ATG7: variants seen among roughly 807,000 people sequenced by gnomAD.
ATG7 encodes the protein ubiquitin-like modifier-activating enzyme ATG7.
ATG7 carries 70 observed loss-of-function variants against 82.4 expected under a neutral mutation model. The ratio of observed to expected loss-of-function variants is 0.85; its 90% CI spans 0.70 to 1.04. The LOEUF (loss-of-function observed/expected upper bound fraction) is 1.04. ATG7 is among the 50% of genes least tolerant of loss of function. The pLI is 0.00. For synonymous variants in ATG7, 287 were observed against 313.0 expected (o/e 0.92, Z 0.88); for missense variants, 792 against 864.3 (o/e 0.92, Z 1.05).
At chr3:11,417,810 A>ATTAT (rs1559578532) in intron 19 of ATG7, among the ~76,000 whole-genome samples, 1 of 97,986 alleles carries the variant, frequency 1.0e-5, no homozygotes, top group African/African-American at 4.4e-5. Flanking sequence ...ATTTTATTTT[A>ATTAT]TTTTATTTTT....
chr3:11,493,541 C>T (rs1337567733), intron 20 of ATG7, among the ~76,000 whole-genome samples: 16 of 152,194 alleles, frequency 1.1e-4, no homozygotes, highest in Non-Finnish European at 8.8e-5. Flanking sequence ...GGGGTTTCCA[C>T]TGGGGACCTG....
intron 20 of ATG7, among the ~76,000 whole-genome samples, chr3:11,439,983 G>T (rs1239429197): frequency 6.6e-6 from 1 of 152,176 alleles, no homozygotes; most frequent in Non-Finnish European, 1.5e-5. Context: ...ACATCTTGAG[G>T]TTTACAGTAC....
intron 20 of ATG7, among the ~76,000 whole-genome samples, chr3:11,531,025 G>A (rs963167634): frequency 6.6e-6 from 1 of 152,154 alleles, no homozygotes; most frequent in Non-Finnish European, 1.5e-5. Flanking sequence ...CTCACTCACC[G>A]TGGTCCTGGC....
At chr3:11,480,076 C>T (rs1221166078) in intron 20 of ATG7, among the ~76,000 whole-genome samples, 3 of 152,172 alleles carry the variant, frequency 2.0e-5, no homozygotes, top group African/African-American at 4.8e-5. Context: ...TACAGGTGCC[C>T]GCCACCATGC....
chr3:11,410,360 T>A (rs998966715), intron 19 of ATG7, among the ~76,000 whole-genome samples: 1 of 151,778 alleles, frequency 6.6e-6, no homozygotes, highest in Non-Finnish European at 1.5e-5. Flanking sequence ...TTGATAGTAT[T>A]TGAACATCAA....
chr3:11,432,267 A>G (rs149213672), intron 20 of ATG7, among the ~76,000 whole-genome samples: 1 of 152,324 alleles, frequency 6.6e-6, no homozygotes, highest in East Asian at 1.9e-4. Context: ...AGCTAGACAA[A>G]GGAGATTTAC....
chr3:11,480,225 C>T (rs2088776750), intron 20 of ATG7, among the ~76,000 whole-genome samples: 1 of 152,102 alleles, frequency 6.6e-6, no homozygotes, highest in Non-Finnish European at 1.5e-5. Context: ...GCCACCGCAC[C>T]CGGCCTGGAA....
At chr3:11,507,295 A>G (rs1290720135) in intron 20 of ATG7, among the ~76,000 whole-genome samples, 1 of 152,228 alleles carries the variant, frequency 6.6e-6, no homozygotes, top group Non-Finnish European at 1.5e-5. Flanking sequence ...ATAAATAAAT[A>G]AAAATTTTGT....
At chr3:11,426,032 A>G (rs180813719) in intron 19 of ATG7, among the ~76,000 whole-genome samples, 35 of 151,844 alleles carry the variant, frequency 2.3e-4, no homozygotes, top group Admixed American at 1.0e-3. Flanking sequence ...GGTCACCTCA[A>G]TGGTTTCTAG....
At chr3:11,446,509 C>T in intron 20 of ATG7, 1 of 447,986 alleles carries the variant, frequency 2.2e-6, no homozygotes, top group Non-Finnish European at 4.5e-6. Context: ...TTACTTTTAG[C>T]ACTAAGAAGA....
chr3:11,385,471 C>CA (rs1434900236), intron 19 of ATG7, among the ~76,000 whole-genome samples: 3 of 152,192 alleles, frequency 2.0e-5, no homozygotes, highest in African/African-American at 7.2e-5. Flanking sequence ...TCATTTAATT[C>CA]AACTGACATT....
intron 9 of ATG7, among the ~76,000 whole-genome samples, chr3:11,318,077 T>C (rs764223765): frequency 6.6e-5 from 10 of 152,268 alleles, no homozygotes; most frequent in Non-Finnish European, 1.3e-4. Flanking sequence ...ACTTCCTTTA[T>C]GTTTCAACAG....
intron 16 of ATG7, among the ~76,000 whole-genome samples, chr3:11,362,342 C>T (rs2076337235): frequency 6.6e-6 from 1 of 152,196 alleles, no homozygotes; most frequent in Non-Finnish European, 1.5e-5. Flanking sequence ...CACATAGGAA[C>T]TGAGGGCCGC....
intron 19 of ATG7, among the ~76,000 whole-genome samples, chr3:11,411,014 C>T (rs2080842741): frequency 6.6e-6 from 1 of 152,126 alleles, no homozygotes; most frequent in Admixed American, 6.6e-5. Context: ...TAAGTAACTG[C>T]CATGCTATTT....
In ATG7 at chr3:11,426,935, A is replaced by G; in HGVS notation, c.2079+9A>G. On this transcript the variant is annotated intron_variant, in intron 20 of 20. Coordinates refer to ENST00000693202, the MANE Select transcript of ATG7 (RefSeq NM_001349232.2). Reference sequence around the variant, plus strand: ...AAACCCAAGCTGCTGAGGTAAGAACAAAACAAGCTTTCTGTAGTGAAGACT... The same window carrying G: ...AAACCCAAGCTGCTGAGGTAAGAACGAAACAAGCTTTCTGTAGTGAAGACT... 6.3e-7 allele frequency: 1 copy of G among 1,585,188 alleles called. No homozygotes were observed. The highest frequency in any genetic ancestry group is 8.5e-7 in the Non-Finnish European group (1 of 1,169,758).
chr3:11,372,038 G>C (rs377067652), intron 18 of ATG7, among the ~76,000 whole-genome samples: 1 of 151,422 alleles, frequency 6.6e-6, no homozygotes, highest in African/African-American at 2.4e-5. Context: ...GCTGTCTGCC[G>C]TGTTTTCATT....
At chr3:11,533,788 C>T (rs993049224) in intron 20 of ATG7, among the ~76,000 whole-genome samples, 1 of 151,994 alleles carries the variant, frequency 6.6e-6, no homozygotes, top group Non-Finnish European at 1.5e-5. Flanking sequence ...AGCAGAGAAA[C>T]AGAAAAGAGT....
At chr3:11,323,302 C>T (rs1343021658) in intron 9 of ATG7, among the ~76,000 whole-genome samples, 2 of 152,282 alleles carry the variant, frequency 1.3e-5, no homozygotes, top group African/African-American at 4.8e-5. Context: ...CAGTTGGCTC[C>T]CAGAAAAGCC....
chr3:11,561,078 AG>A (rs1222777662), downstream of ATG7, among the ~76,000 whole-genome samples: 3 of 152,050 alleles, frequency 2.0e-5, no homozygotes, highest in African/African-American at 7.2e-5. Flanking sequence ...AGAGATGGCC[AG>A]GCCCTTCCTG....
Sources: gnomAD v4.1 joint callset for allele counts (sites outside exome capture counted in the v4.1 genomes callset) on GRCh38, gnomAD v4.1.1 for gene constraint, MANE v1.5 for transcripts, NCBI Gene and HGNC (gene_info 2026-07-23, HGNC 2026-07-21) for gene names.